PCCA: variants seen among roughly 807,000 people sequenced by gnomAD.
PCCA encodes propionyl-CoA carboxylase subunit alpha.
PCCA carries 74 observed loss-of-function variants against 101.3 expected under a neutral mutation model. The observed-to-expected ratio is 0.73, with a 90% confidence interval of 0.61 to 0.89. The LOEUF (loss-of-function observed/expected upper bound fraction) is 0.89. PCCA is among the 40% of genes least tolerant of loss of function. The probability of loss-of-function intolerance (pLI) is 0.00; values close to 1 mark genes in which losing one functional copy is unlikely to be tolerated. For synonymous variants in PCCA, 294 were observed against 313.6 expected, an observed-to-expected ratio of 0.94 and a Z score of 0.66; for missense variants, 891 against 907.0, an observed-to-expected ratio of 0.98 and a Z score of 0.23.
chr13:100,165,832 G>A (rs1042337188), intron 6 of PCCA, among the ~76,000 whole-genome samples: 13 of 152,200 alleles, frequency 8.5e-5, no homozygotes, highest in Admixed American at 2.0e-4. Flanking sequence ...AGAAGTTTGA[G>A]GGTGTAGCGA....
At chr13:100,526,451 GAA>G (rs1279670866) in intron 22 of PCCA, among the ~76,000 whole-genome samples, 1 of 152,250 alleles carries the variant, frequency 6.6e-6, no homozygotes, top group African/African-American at 2.4e-5. Context: ...AACAGCAGAG[GAA>G]AAGAGTACAT....
chr13:100,427,050 C>T (rs2079195188), intron 20 of PCCA, among the ~76,000 whole-genome samples: 1 of 152,116 alleles, frequency 6.6e-6, no homozygotes, highest in Non-Finnish European at 1.5e-5. Context: ...AACCCTGTCT[C>T]CACTACAAAT....
At chr13:100,233,693 AG>A (rs1385083360) in intron 7 of PCCA, among the ~76,000 whole-genome samples, 1 of 152,208 alleles carries the variant, frequency 6.6e-6, no homozygotes, top group African/African-American at 2.4e-5. Context: ...TCCTCAGTAA[AG>A]TATTTTTGGA....
At chr13:100,423,610 G>GTA (rs1204228908) in intron 19 of PCCA, among the ~76,000 whole-genome samples, 3 of 152,010 alleles carry the variant, frequency 2.0e-5, no homozygotes, top group Non-Finnish European at 4.4e-5. Flanking sequence ...GACTCATTGT[G>GTA]TAGATGATGA....
At chr13:100,177,418 T>G (rs1246532860) in intron 6 of PCCA, among the ~76,000 whole-genome samples, 1 of 152,214 alleles carries the variant, frequency 6.6e-6, no homozygotes, top group African/African-American at 2.4e-5. Flanking sequence ...TTTACTAGTT[T>G]TAATAAGACT....
intron 7 of PCCA, among the ~76,000 whole-genome samples, chr13:100,217,536 AT>A (rs1302972717): frequency 6.6e-6 from 1 of 152,114 alleles, no homozygotes; most frequent in African/African-American, 2.4e-5. Context: ...ACCAAGCAAA[AT>A]ATAGTATCCA....
rs558248727 is a variant in PCCA, at chr13:100,487,930, A to T, written c.1900-27497A>T. 8.7e-4 allele frequency among the ~76,000 whole-genome samples: 132 copies of T among 152,026 alleles called. 1 individual carries two copies. The highest frequency in any genetic ancestry group is 3.2e-3 in the African/African-American group (131 of 41,474). ...AAAAATGTAGAAACAAGGTGCCACTATGTTGCCTGGGCTGGTGTTGAACTC... is the reference window on the plus strand; with the variant it reads ...AAAAATGTAGAAACAAGGTGCCACTTTGTTGCCTGGGCTGGTGTTGAACTC... On this transcript the variant is annotated intron_variant, in intron 21 of 23. Transcript: ENST00000376285.
At chr13:100,105,722 G>C (rs1327858317) in intron 2 of PCCA, among the ~76,000 whole-genome samples, 1 of 147,812 alleles carries the variant, frequency 6.8e-6, no homozygotes, top group East Asian at 2.0e-4. Flanking sequence ...TGCACCAGTA[G>C]TTCCAGCTAC....
At chr13:100,430,496 G>C (rs2079472875) in intron 20 of PCCA, among the ~76,000 whole-genome samples, 1 of 152,126 alleles carries the variant, frequency 6.6e-6, no homozygotes, top group Admixed American at 6.5e-5. Flanking sequence ...TCCTCTCTGT[G>C]TTCCTCCAGG....
In PCCA at chr13:100,496,865, A is replaced by G. The variant is rs143724221; in HGVS notation, c.1900-18562A>G. Among the ~76,000 whole-genome samples the G allele has an allele frequency of 1.3e-3, 199 of 152,318 alleles. 1 individual carries two copies. In the South Asian group the frequency reaches 0.016, roughly 12 times the overall value. On this transcript the variant is annotated intron_variant, in intron 21 of 23. Transcript: ENST00000376285. ...CCAAGGAAAATGGGGAGGATACTGT[A>G]GAAGGACATGATACCATGAACACAG...
intron 12 of PCCA, among the ~76,000 whole-genome samples, chr13:100,287,592 T>G (rs1022202285): frequency 2.0e-5 from 3 of 152,186 alleles, no homozygotes; most frequent in Non-Finnish European, 4.4e-5. Flanking sequence ...ATTGGCATAC[T>G]TATATTTAAT....
At chr13:100,416,805 G>A (rs1595821606) in intron 19 of PCCA, among the ~76,000 whole-genome samples, 1 of 151,982 alleles carries the variant, frequency 6.6e-6, no homozygotes, top group South Asian at 2.1e-4. Context: ...TTACAGGTGC[G>A]TGAGCCACCG....
At chr13:100,341,583 C>T (rs2071325613) in intron 18 of PCCA, among the ~76,000 whole-genome samples, 1 of 152,182 alleles carries the variant, frequency 6.6e-6, no homozygotes, top group Admixed American at 6.5e-5. Flanking sequence ...AGAGGCTTTC[C>T]ACCACAGCAG....
rs144364168 is a variant in PCCA, at chr13:100,208,746, T to TA, written c.469-583dup. On this transcript the variant is annotated intron_variant, in intron 6 of 23. Transcript: ENST00000376285. ...TGATTGAAACTGAACTCTACCCAGT[T>TA]AAATTCCCACTGGATTTTTGACTCA... Among the ~76,000 whole-genome samples the TA allele has an allele frequency of 6.4e-3, 976 of 152,334 alleles. 13 individuals carry two copies. Among genetic ancestry groups the TA allele is most frequent in the African/African-American group, 0.015 (603 of 41,576 alleles).
At position 100,530,301 on chromosome 13, in the gene PCCA, C is replaced by G. The variant is rs879834293; in HGVS notation, c.*135C>G. The G allele has an allele frequency of 1.8e-5, 14 of 760,534 alleles. No homozygotes were observed. Among genetic ancestry groups the G allele is most frequent in the South Asian group, 3.0e-5 (2 of 67,452 alleles). 47.1% of individuals were successfully genotyped at this position (760,534 alleles called of 1,614,324 possible). On this transcript the variant is annotated 3_prime_UTR_variant, in exon 24 of 24. Transcript: ENST00000376285. The stretch of plus-strand genomic sequence containing the variant: ...TACGTCGTCATTTATTCCACAGAGT[C>G]AAGACCAATATTCTGCCAAAAAATC...
At chr13:100,493,358 G>A (rs28718206) in intron 21 of PCCA, among the ~76,000 whole-genome samples, 15,865 of 152,156 alleles carry the variant, frequency 0.1, 1,382 homozygotes, top group African/African-American at 0.24. Context: ...GGAGGTGTGC[G>A]CTGCCCCACC....
At chr13:100,278,183 G>A (rs2063803184) in intron 12 of PCCA, among the ~76,000 whole-genome samples, 1 of 152,124 alleles carries the variant, frequency 6.6e-6, no homozygotes, top group Non-Finnish European at 1.5e-5. Context: ...TATTAGCTGG[G>A]AAATCATGTT....
rs375556870 is a variant in PCCA at position 100,232,351 on chromosome 13, C to T, written c.601-3491C>T. On this transcript the variant is annotated intron_variant, in intron 7 of 23. Transcript: ENST00000376285. ...TTATGTTTATGTGTGTGTGTGTATGCGTGTGTGTGTGTGTGTGTGTGTGTG... is the reference window on the plus strand; with the variant it reads ...TTATGTTTATGTGTGTGTGTGTATGTGTGTGTGTGTGTGTGTGTGTGTGTG... Among the ~76,000 whole-genome samples, 31 of 131,248 alleles carry T rather than the reference C, an allele frequency of 2.4e-4. 1 individual carries two copies. The highest frequency in any genetic ancestry group is 5.2e-4 in the South Asian group (2 of 3,838). 86.1% of individuals were successfully genotyped at this position (131,248 alleles called of 152,430 possible). A position where few individuals can be genotyped will look rare whatever the true frequency, so the allele number is the denominator to read the frequency against.
chr13:100,470,858 C>CA (rs1364271464), intron 21 of PCCA, among the ~76,000 whole-genome samples: 2 of 151,750 alleles, frequency 1.3e-5, no homozygotes, highest in Non-Finnish European at 1.5e-5. Flanking sequence ...GACTCTGTCT[C>CA]AAAAAATAAA....
Sources: allele counts gnomAD v4.1 joint callset (sites outside exome capture counted in the v4.1 genomes callset), GRCh38; gene constraint gnomAD v4.1.1; transcripts MANE v1.5; gene names NCBI Gene and HGNC (gene_info 2026-07-23, HGNC 2026-07-21).